KRT76: variants seen among roughly 807,000 people sequenced by gnomAD.
The protein encoded by KRT76 is keratin 76, also known as keratin, type II cytoskeletal 2 oral.
KRT76 carries 47 observed loss-of-function variants against 44.9 expected under a neutral mutation model. The observed-to-expected ratio is 1.05, with a 90% CI of 0.83 to 1.33. The LOEUF (loss-of-function observed/expected upper bound fraction) is 1.33. Among genes scored for constraint, KRT76 ranks in the 40% most tolerant of loss-of-function variants. The pLI is 0.00. For synonymous variants in KRT76, 331 were observed against 294.1 expected, an observed-to-expected ratio of 1.13 and a Z score of -1.28; for missense variants, 860 against 775.8, an observed-to-expected ratio of 1.11 and a Z score of -1.29.
intron 1 of KRT76, 149 bp downstream of exon 1, chr12:52,776,543 G>T (rs919532913): frequency 2.4e-6 from 3 of 1,240,200 alleles, no homozygotes; most frequent in East Asian, 4.8e-5. Context: ...AGTGAAAGGG[G>T]CATGATCACT....
At chr12:52,776,563 G>A (rs926686788) in intron 1 of KRT76, 129 bp downstream of exon 1, 5 of 1,460,900 alleles carry the variant, frequency 3.4e-6, no homozygotes, top group African/African-American at 1.4e-5. Flanking sequence ...TGTCCTGTAG[G>A]GACCAAGACA....
rs1490410281 is a variant in KRT76, at chr12:52,771,967, C to A, written c.1167G>T (p.Arg389Ser). 1 of 1,614,118 alleles carries A rather than the reference C, an allele frequency of 6.2e-7. No homozygotes were observed. Among genetic ancestry groups the A allele is most frequent in the Non-Finnish European group, 8.5e-7 (1 of 1,180,004 alleles). Reference sequence around the variant, plus strand: ...TGGTGTTCCTCAGGTCATCCCCATGCCTGCCAGCTGTGGTCTGCAGCTCCC... The same window carrying A: ...TGGTGTTCCTCAGGTCATCCCCATGACTGCCAGCTGTGGTCTGCAGCTCCC... ...KLGELQTTAG[R>S]HGDDLRNTKS... Residue 389 changes from arginine to serine, a missense_variant, in exon 6 of 9, where the codon AGG (arginine) becomes AGT (serine). By Grantham distance (110) the Arg-to-Ser change is moderately radical. Transcript: ENST00000332411.
rs1939141640 is a variant in KRT76 at position 52,769,177 on chromosome 12, C to T, written c.1520-67G>A. On this transcript the variant is annotated intron_variant, in intron 8 of 8. Transcript: ENST00000332411. The stretch of plus-strand genomic sequence containing the variant: ...AAACTGGAAGCCAAGGACTGTATTA[C>T]ATCCCCACCCTGCTTGGCCATGTGA... 5 of 631,360 alleles carry T rather than the reference C, an allele frequency of 7.9e-6. No individual in the cohort carries two copies. In the East Asian group the frequency reaches 1.1e-4, roughly 14 times the overall value. The allele number at this position is 631,360 out of a possible 1,614,324, so 39.1% of individuals were successfully genotyped here.
chr12:52,773,545 A>G (rs760852401), intron 3 of KRT76, 37 bp downstream of exon 3: 10 of 1,569,358 alleles, frequency 6.4e-6, no homozygotes, highest in Non-Finnish European at 8.8e-6. Flanking sequence ...CAGCTCCCAG[A>G]AAGGAAACCT....
chr12:52,775,595 A>T lies in KRT76; in HGVS notation c.608T>A (p.Phe203Tyr), dbSNP rs772065201. The T allele has an allele frequency of 1.2e-6, 2 of 1,613,306 alleles. No individual in the cohort carries two copies. Among genetic ancestry groups the T allele is most frequent in the South Asian group, 1.1e-5 (1 of 91,018 alleles). The change falls in exon 2 of 9, where the codon TTC becomes TAC. Residue 203 changes from phenylalanine to tyrosine, a missense_variant. By Grantham distance (22) the Phe-to-Tyr change is conservative (BLOSUM62 3). Coordinates refer to ENST00000332411, the MANE Select transcript of KRT76 (RefSeq NM_015848.4). ...KFASFIDKVR[F>Y]LEQQNKVLET... Reference sequence around the variant, plus strand: ...CAGGACCTTGTTCTGCTGTTCCAGGAACCGCACCTGCATGAAAGAGGGGAG... The same window carrying T: ...CAGGACCTTGTTCTGCTGTTCCAGGTACCGCACCTGCATGAAAGAGGGGAG...
At chr12:52,771,537 A>T (rs1939181811) in intron 6 of KRT76, among the ~76,000 whole-genome samples, 1 of 152,228 alleles carries the variant, frequency 6.6e-6, no homozygotes, top group African/African-American at 2.4e-5. Flanking sequence ...CATTCCAATG[A>T]TACAGAGCAG....
At chr12:52,772,582 C>A (rs1457361342) in intron 4 of KRT76, among the ~76,000 whole-genome samples, 1 of 152,124 alleles carries the variant, frequency 6.6e-6, no homozygotes, top group Admixed American at 6.5e-5. Context: ...AGAGAAGGTG[C>A]AGAGCAAAAT....
intron 7 of KRT76, among the ~76,000 whole-genome samples, chr12:52,770,661 G>A (rs796579964): frequency 7.2e-5 from 11 of 152,286 alleles, no homozygotes; most frequent in African/African-American, 2.4e-4. Context: ...TACTGTATTG[G>A]ACAGCACAAG....
In KRT76 at chr12:52,768,575, G is replaced by A; in HGVS notation, c.*138C>T. The A allele has an allele frequency of 1.0e-6, 1 of 969,734 alleles. No homozygotes were observed. The highest frequency in any genetic ancestry group is 1.5e-6 in the Non-Finnish European group (1 of 651,242). The allele number at this position is 969,734 out of a possible 1,614,324, so 60.1% of individuals were successfully genotyped here. A position where few individuals can be genotyped will look rare whatever the true frequency, so the allele number is the denominator to read the frequency against. On this transcript the variant is annotated 3_prime_UTR_variant, in exon 9 of 9. Transcript: ENST00000332411. ...AAGGTCATGGGGATGGAGAAACCAGGAGTTCAGCTTCTTCTCCAGGGAACT... is the reference window on the plus strand; with the variant it reads ...AAGGTCATGGGGATGGAGAAACCAGAAGTTCAGCTTCTTCTCCAGGGAACT...
In KRT76 at chr12:52,769,004, G is replaced by GCCA; in HGVS notation, c.1625_1626insTGG (p.Ser542_Ser543insGly). 2.2e-6 allele frequency: 2 copies of GCCA among 927,696 alleles called. No homozygotes were observed. The allele number at this position is 927,696 out of a possible 1,614,324, so 57.5% of individuals were successfully genotyped here. A position where few individuals can be genotyped will look rare whatever the true frequency, so the allele number is the denominator to read the frequency against. ...CTCCATAGCCACTGCTGCTGCTGCT[G>GCCA]CTGCTGCCGCCTTTGTAGCCACCAC... On this transcript the variant is annotated inframe_insertion, in exon 9 of 9. Coordinates refer to ENST00000332411, the MANE Select transcript of KRT76 (RefSeq NM_015848.4).
At position 52,771,970 on chromosome 12, in the gene KRT76, G is replaced by A. The variant is rs61730597; in HGVS notation, c.1164C>T (p.Gly388=). 3,570 of 1,614,074 alleles carry A rather than the reference G, an allele frequency of 2.2e-3. 67 individuals carry two copies. The African/African-American group carries it at 0.041, about 19-fold the overall frequency. The change falls in exon 6 of 9, where the codon GGC becomes GGT. Residue 388 remains glycine, a synonymous_variant. Transcript: ENST00000332411. ...TKLGELQTTA[G]RHGDDLRNTK... is the part of the protein sequence containing the mutation. Reference sequence around the variant, plus strand: ...TGTTCCTCAGGTCATCCCCATGCCTGCCAGCTGTGGTCTGCAGCTCCCCAA... The same window carrying A: ...TGTTCCTCAGGTCATCCCCATGCCTACCAGCTGTGGTCTGCAGCTCCCCAA...
intron 4 of KRT76, 98 bp from the exon 5 acceptor site, chr12:52,772,356 T>A (rs1592294020): frequency 1.7e-6 from 2 of 1,182,630 alleles, no homozygotes; most frequent in African/African-American, 1.5e-5. Context: ...GGGCTAGAGG[T>A]GGATCAGTTG....
Position 52,776,977 on chromosome 12 carries a change from G to A in KRT76, c.315C>T (p.Gly105=). The part of the protein sequence containing the change: ...GGGFGGSYGG[G]FGGGRGVGSG... ...TACCTACTCCTCTGCCACCACCAAA[G>A]CCACCACCATAGCTGCCCCCAAAGC... The change falls in exon 1 of 9, where the codon GGC becomes GGT. Residue 105 remains glycine (G), a synonymous_variant. Transcript: ENST00000332411. 1.2e-6 allele frequency: 2 copies of A among 1,613,844 alleles called. No homozygotes were observed. The highest frequency in any genetic ancestry group is 1.7e-6 in the Non-Finnish European group (2 of 1,179,872).
Position 52,772,190 on chromosome 12 carries a change from G to T in KRT76, c.1041C>A (p.Cys347Ter). The T allele has an allele frequency of 6.2e-7, 1 of 1,613,628 alleles. No homozygotes were observed. Among genetic ancestry groups the T allele is most frequent in the South Asian group, 1.1e-5 (1 of 90,954 alleles). ...CGGCAATGATGCTGCCCAGGTCCAG[G>T]CAGCGGTTGTTGTCCATGGACAGAA... Reference protein sequence around the residue: ...SVVLSMDNNRCLDLGSIIAEV... With the variant: ...SVVLSMDNNR The change falls in exon 5 of 9, where the codon TGC becomes TGA. Residue 347 changes from cysteine to a stop codon, truncating the protein, a stop_gained. Coordinates refer to ENST00000332411, the MANE Select transcript of KRT76 (RefSeq NM_015848.4). LOFTEE classifies it high-confidence loss of function.
Position 52,771,174 on chromosome 12 carries a change from C to T in KRT76, c.1309G>A (p.Glu437Lys), listed in dbSNP as rs759775492. 1 of 1,614,180 alleles carries T rather than the reference C, an allele frequency of 6.2e-7. No individual in the cohort carries two copies. The highest frequency in any genetic ancestry group is 2.2e-5 in the East Asian group (1 of 44,874). Residue 437 changes from glutamate to lysine, a missense_variant, in exon 7 of 9, where the codon GAG becomes AAG. Coordinates refer to ENST00000332411, the MANE Select transcript of KRT76 (RefSeq NM_015848.4). ...GCATTGGCGTCCTTGAGGGCCATCT[C>T]TCCACGCTGCTCAGCCTCTGCAATT... ...TAIAEAEQRG[E>K]MALKDANAKL...
chr12:52,773,368 A>G (rs1939214385), intron 3 of KRT76, among the ~76,000 whole-genome samples: 1 of 152,236 alleles, frequency 6.6e-6, no homozygotes, highest in African/African-American at 2.4e-5. Flanking sequence ...TAATCAGCTC[A>G]TTAGTCACAG....
Position 52,769,085 on chromosome 12 carries a change from T to G in KRT76, c.1545A>C (p.Thr515=), listed in dbSNP as rs1343128428. The G allele has an allele frequency of 4.2e-6, 3 of 715,364 alleles. No individual in the cohort carries two copies. The East Asian group carries it at 8.1e-5, about 19-fold the overall frequency. 44.3% of individuals were successfully genotyped at this position (715,364 alleles called of 1,614,324 possible). A position where few individuals can be genotyped will look rare whatever the true frequency, so the allele number is the denominator to read the frequency against. The change falls in exon 9 of 9, where the codon ACA becomes ACC. Residue 515 remains threonine (T), a synonymous_variant. Transcript: ENST00000332411. ...CISVVSNVTS[T]SGSSGSSRGV... ...CACGGCTACTGCCAGAGCTGCCACT[T>G]GTGCTGGTGACATTGCTGACCACTG... is the stretch of plus-strand genomic sequence containing the variant.
At chr12:52,774,689 A>G (rs1939233400) in intron 2 of KRT76, among the ~76,000 whole-genome samples, 1 of 152,212 alleles carries the variant, frequency 6.6e-6, no homozygotes, top group African/African-American at 2.4e-5. Flanking sequence ...AGCCCAGCAC[A>G]GAGCCTGCCA....
rs375239846 is a variant in KRT76, at chr12:52,771,180, G to A, written c.1303C>T (p.Arg435Cys). Reference sequence around the variant, plus strand: ...GCGTCCTTGAGGGCCATCTCTCCACGCTGCTCAGCCTCTGCAATTGCCGTC... The same window carrying A: ...GCGTCCTTGAGGGCCATCTCTCCACACTGCTCAGCCTCTGCAATTGCCGTC... ...LQTAIAEAEQ[R>C]GEMALKDANA... The change falls in exon 7 of 9, where the codon CGT (arginine) becomes TGT (cysteine). Residue 435 changes from arginine to cysteine, a missense_variant. Coordinates refer to ENST00000332411, the MANE Select transcript of KRT76 (RefSeq NM_015848.4). 35 of 1,614,146 alleles carry A rather than the reference G, an allele frequency of 2.2e-5. No individual in the cohort carries two copies. Among genetic ancestry groups the A allele is most frequent in the South Asian group, 1.4e-4 (13 of 91,078 alleles).
Sources: allele counts gnomAD v4.1 joint callset (sites outside exome capture counted in the v4.1 genomes callset), GRCh38; gene constraint gnomAD v4.1.1; transcripts MANE v1.5; gene names NCBI Gene and HGNC (gene_info 2026-07-23, HGNC 2026-07-21).